LRRC2: variants seen among roughly 807,000 people sequenced by gnomAD.
LRRC2 encodes leucine-rich repeat-containing protein 2.
Under a neutral mutation model 40.2 loss-of-function variants are expected in LRRC2, and 27 were observed. The ratio of observed to expected loss-of-function variants is 0.67; its 90% confidence interval spans 0.49 to 0.93. The LOEUF is 0.93. Among genes scored for constraint, LRRC2 ranks in the 40% least tolerant of loss-of-function variants. The pLI, the probability that LRRC2 is intolerant of heterozygous loss-of-function variation, is 0.00. For missense variants in LRRC2, 402 were observed against 439.6 expected, an observed-to-expected ratio of 0.91 and a Z score of 0.76; for synonymous variants, 147 against 158.9, an observed-to-expected ratio of 0.92 and a Z score of 0.56.
intron 1 of LRRC2, among the ~76,000 whole-genome samples, chr3:46,553,538 G>A (rs1295111580): frequency 6.6e-6 from 1 of 152,208 alleles, no homozygotes; most frequent in Non-Finnish European, 1.5e-5. Context: ...ATTGCACCTG[G>A]ATCTGGGCAT....
At chr3:46,537,142 T>C (rs1251104259) in intron 4 of LRRC2, among the ~76,000 whole-genome samples, 1 of 152,166 alleles carries the variant, frequency 6.6e-6, no homozygotes, top group Non-Finnish European at 1.5e-5. Context: ...TTTGTTTGTT[T>C]TGAGACAGGG....
intron 4 of LRRC2, 32 bp from the exon 5 acceptor site, chr3:46,532,941 T>C (rs76434393): frequency 0.014 from 22,900 of 1,606,118 alleles, 194 homozygotes; most frequent in Non-Finnish European, 0.016. Context: ...ATCCATTGAA[T>C]AGGTCGTTTA....
chr3:46,551,258 G>C, intron 2 of LRRC2: 1 of 437,856 alleles, frequency 2.3e-6, no homozygotes, highest in South Asian at 5.1e-5. Flanking sequence ...AAGGGTGGTG[G>C]GTAGGTCCTT....
chr3:46,538,367 G>C (rs1018713152), intron 4 of LRRC2, among the ~76,000 whole-genome samples: 1 of 152,154 alleles, frequency 6.6e-6, no homozygotes, highest in Non-Finnish European at 1.5e-5. Flanking sequence ...GGTTACTGTG[G>C]CTCATGCCTG....
chr3:46,537,420 A>T (rs571244976), intron 4 of LRRC2, among the ~76,000 whole-genome samples: 66 of 152,348 alleles, frequency 4.3e-4, no homozygotes, highest in Admixed American at 2.0e-3. Flanking sequence ...TTTTAAAAGT[A>T]ACTCAGTCCT....
chr3:46,564,367 A>T (rs2107068498), intron 1 of LRRC2, among the ~76,000 whole-genome samples: 1 of 136,190 alleles, frequency 7.3e-6, no homozygotes, highest in East Asian at 2.1e-4. Flanking sequence ...CTGGAAAAAC[A>T]TGTCCCCTGG....
chr3:46,535,541 T>C (rs1163435923), intron 4 of LRRC2, among the ~76,000 whole-genome samples: 1 of 152,216 alleles, frequency 6.6e-6, no homozygotes, highest in Admixed American at 6.5e-5. Flanking sequence ...GTGGCAGATA[T>C]TTTAAAGATC....
At chr3:46,532,957 T>A (rs572924374) in intron 4 of LRRC2, 48 bp from the exon 5 acceptor site, 2 of 1,584,452 alleles carry the variant, frequency 1.3e-6, no homozygotes, top group East Asian at 4.5e-5. Flanking sequence ...GTTTAAGGTC[T>A]TTTAAGAACA....
intron 8 of LRRC2, among the ~76,000 whole-genome samples, chr3:46,520,958 G>T (rs1236369340): frequency 1.3e-5 from 2 of 152,152 alleles, no homozygotes; most frequent in Non-Finnish European, 2.9e-5. Flanking sequence ...GGAAACAGCC[G>T]CCGGAATCTG....
intron 7 of LRRC2, among the ~76,000 whole-genome samples, chr3:46,525,246 G>A (rs1159307585): frequency 7.5e-6 from 1 of 133,666 alleles, no homozygotes; most frequent in African/African-American, 2.6e-5. Flanking sequence ...ATGCCACCAT[G>A]CCAGGCCTTT....
intron 1 of LRRC2, among the ~76,000 whole-genome samples, chr3:46,554,266 C>T (rs201637125): frequency 0.38 from 56,764 of 151,066 alleles, 10,990 homozygotes; most frequent in East Asian, 0.63. Context: ...AGCAATCCAC[C>T]CACCTAGGCC....
intron 8 of LRRC2, among the ~76,000 whole-genome samples, chr3:46,520,137 T>C (rs1703940027): frequency 6.7e-6 from 1 of 148,750 alleles, no homozygotes; most frequent in African/African-American, 2.4e-5. Context: ...ACTAATAATA[T>C]ATTATCGATA....
At chr3:46,540,585 C>T (rs918382000) in intron 3 of LRRC2, among the ~76,000 whole-genome samples, 1 of 151,704 alleles carries the variant, frequency 6.6e-6, no homozygotes, top group Non-Finnish European at 1.5e-5. Context: ...AAGCTGAAAC[C>T]CCAAAGACAT....
chr3:46,562,215 C>G (rs1481421654), intron 1 of LRRC2, among the ~76,000 whole-genome samples: 1 of 152,118 alleles, frequency 6.6e-6, no homozygotes, highest in African/African-American at 2.4e-5. Context: ...CATGATGATG[C>G]TCAAGCAGCC....
chr3:46,559,513 A>G (rs1704889138), intron 1 of LRRC2: 1 of 152,256 alleles, frequency 6.6e-6, no homozygotes, highest in Non-Finnish European at 1.5e-5. Context: ...TCATTTCCTC[A>G]GGCCAGTTAG....
chr3:46,544,913 G>A (rs554839197), intron 3 of LRRC2, 133 bp downstream of exon 3: 24 of 867,114 alleles, frequency 2.8e-5, no homozygotes, highest in Middle Eastern at 3.5e-4. Context: ...CCAGGACTGC[G>A]CTGCGTTTCA....
At chr3:46,563,009 A>T (rs1024925573) in intron 1 of LRRC2, among the ~76,000 whole-genome samples, 2 of 152,070 alleles carry the variant, frequency 1.3e-5, no homozygotes, top group African/African-American at 4.8e-5. Context: ...TACAGGTATG[A>T]GCCACTGTAC....
At chr3:46,520,017 AATT>A (rs1340669149) in intron 8 of LRRC2, among the ~76,000 whole-genome samples, 4 of 151,770 alleles carry the variant, frequency 2.6e-5, no homozygotes, top group Admixed American at 6.6e-5. Flanking sequence ...TACAGAATAA[AATT>A]ATTATTATTT....
At chr3:46,529,858 C>T (rs746734812) in intron 6 of LRRC2, 47 bp downstream of exon 6, 52 of 1,587,986 alleles carry the variant, frequency 3.3e-5, no homozygotes, top group Non-Finnish European at 4.2e-5. Context: ...GTGTTTGAAG[C>T]GTTAGTAACT....
Sources: allele counts gnomAD v4.1 joint callset (sites outside exome capture counted in the v4.1 genomes callset), GRCh38; gene constraint gnomAD v4.1.1; transcripts MANE v1.5; gene names NCBI Gene and HGNC (gene_info 2026-07-23, HGNC 2026-07-21).